The following DPYD variants were observed in gnomAD, a reference collection of about 807,000 sequenced individuals.
DPYD encodes the protein dihydropyrimidine dehydrogenase, also known as dihydropyrimidine dehydrogenase [NADP(+)].
Under a neutral mutation model 116.2 loss-of-function variants are expected in DPYD, and 109 were observed. The observed-to-expected ratio is 0.94, with a 90% CI of 0.80 to 1.10. The LOEUF is 1.10. DPYD is among the 50% of genes least tolerant of loss of function. The probability of loss-of-function intolerance (pLI) is 0.00; values close to 1 mark genes in which losing one functional copy is unlikely to be tolerated. For synonymous variants in DPYD, 440 were observed against 432.0 expected (o/e 1.02, Z -0.23); for missense variants, 1,302 against 1,254.5 (o/e 1.04, Z -0.57).
chr1:97,864,961 T>G (rs1315968982), intron 2 of DPYD, among the ~76,000 whole-genome samples: 2 of 151,928 alleles, frequency 1.3e-5, no homozygotes, highest in Non-Finnish European at 2.9e-5. Context: ...TATCTGTGAA[T>G]GCTTCTAGTT....
chr1:97,894,366 G>T (rs1047088290), intron 1 of DPYD, among the ~76,000 whole-genome samples: 10 of 151,708 alleles, frequency 6.6e-5, no homozygotes, highest in African/African-American at 2.4e-4. Flanking sequence ...TTCAACATAT[G>T]AATTTTGAGG....
chr1:97,290,797 C>T (rs897923279), intron 18 of DPYD, among the ~76,000 whole-genome samples: 1 of 152,114 alleles, frequency 6.6e-6, no homozygotes, highest in African/African-American at 2.4e-5. Flanking sequence ...ATGTCTAAAA[C>T]ACCAAAAGCA....
intron 16 of DPYD, 59 bp downstream of exon 16, chr1:97,373,502 C>T: frequency 7.0e-7 from 1 of 1,432,914 alleles, no homozygotes; most frequent in Non-Finnish European, 9.8e-7. Context: ...AGTAACTATC[C>T]ATACGGGGGC....
chr1:97,577,965 C>A (rs1007081133), intron 10 of DPYD, among the ~76,000 whole-genome samples: 10 of 151,992 alleles, frequency 6.6e-5, no homozygotes, highest in Admixed American at 5.9e-4. Flanking sequence ...CCTGCCTCAG[C>A]CTTCCAAGTA....
chr1:97,362,442 G>GA (rs1553164558), intron 16 of DPYD, among the ~76,000 whole-genome samples: 1 of 152,028 alleles, frequency 6.6e-6, no homozygotes, highest in Non-Finnish European at 1.5e-5. Flanking sequence ...CACAGAATTG[G>GA]AAAAAACTAC....
At chr1:97,740,312 G>C in intron 4 of DPYD, 80 bp downstream of exon 4, 1 of 1,196,514 alleles carries the variant, frequency 8.4e-7, no homozygotes, top group Non-Finnish European at 1.2e-6. Flanking sequence ...GCTAAGACAA[G>C]CTGTATTCTG....
At chr1:97,218,579 G>C (rs536364599) in intron 19 of DPYD, among the ~76,000 whole-genome samples, 1 of 150,096 alleles carries the variant, frequency 6.7e-6, no homozygotes, top group Non-Finnish European at 1.5e-5. Flanking sequence ...AGACATCCTA[G>C]ATCAAACCCA....
At position 97,373,065 on chromosome 1, in the gene DPYD, T is replaced by C. The variant is rs117398801; in HGVS notation, c.2058+496A>G. On this transcript the variant is annotated intron_variant, in intron 16 of 22. Transcript: ENST00000370192. Reference sequence around the variant, plus strand: ...TATTTTAGTATGAAGGTTCCATTTATTGTATCCAAAAATAAAAATAGCATC... The same window carrying C: ...TATTTTAGTATGAAGGTTCCATTTACTGTATCCAAAAATAAAAATAGCATC... Among the ~76,000 whole-genome samples, 287 of 152,346 alleles carry C rather than the reference T, an allele frequency of 1.9e-3. 12 individuals are homozygous for C. The East Asian group carries it at 0.053, about 28-fold the overall frequency.
At chr1:97,336,838 G>A (rs978908911) in intron 16 of DPYD, among the ~76,000 whole-genome samples, 8 of 152,186 alleles carry the variant, frequency 5.3e-5, no homozygotes, top group Admixed American at 2.6e-4. Flanking sequence ...GGAACAAGGT[G>A]AAAATGGAAC....
intron 21 of DPYD, among the ~76,000 whole-genome samples, chr1:97,090,879 T>C (rs1296042372): frequency 2.6e-5 from 4 of 152,328 alleles, no homozygotes; most frequent in South Asian, 4.1e-4. Context: ...TTGAATCTCC[T>C]GCAGTCCTTA....
At chr1:97,118,136 C>T (rs922921167) in intron 20 of DPYD, among the ~76,000 whole-genome samples, 14 of 151,852 alleles carry the variant, frequency 9.2e-5, no homozygotes, top group African/African-American at 3.1e-4. Flanking sequence ...TTTCAAATGT[C>T]ACCTTTTGTT....
rs759858246 is a variant in DPYD, at chr1:97,721,546, G to C, written c.447C>G (p.Pro149=). 13 of 1,611,474 alleles carry C rather than the reference G, an allele frequency of 8.1e-6. No homozygotes were observed. In the Admixed American group the frequency reaches 2.0e-4, roughly 25 times the overall value. ...ATTGCTGCAATCCACCAATATTAAT[G>C]GGTCCCTCTTCAGTGGCATATAAAT... The part of the protein sequence containing the change: ...GCNLYATEEG[P]INIGGLQQFA... Residue 149 remains proline, a synonymous_variant, in exon 5 of 23, where the codon CCC becomes CCG. Coordinates refer to ENST00000370192, the MANE Select transcript of DPYD (RefSeq NM_000110.4).
chr1:97,774,035 G>T (rs1221495638), intron 3 of DPYD, among the ~76,000 whole-genome samples: 1 of 152,172 alleles, frequency 6.6e-6, no homozygotes, highest in African/African-American at 2.4e-5. Flanking sequence ...AGCTTTGGGA[G>T]CCGTAAACAC....
At chr1:97,730,887 A>G (rs958981849) in intron 4 of DPYD, among the ~76,000 whole-genome samples, 1 of 152,112 alleles carries the variant, frequency 6.6e-6, no homozygotes, top group Non-Finnish European at 1.5e-5. Context: ...AGAGTTGAAA[A>G]AAAAAGCATT....
intron 8 of DPYD, among the ~76,000 whole-genome samples, chr1:97,606,006 T>C (rs1003236952): frequency 6.6e-6 from 1 of 152,114 alleles, no homozygotes; most frequent in African/African-American, 2.4e-5. Flanking sequence ...TGATTAAGCA[T>C]ACAAAACTTG....
At chr1:97,166,595 TG>T in intron 20 of DPYD, among the ~76,000 whole-genome samples, 2 of 152,166 alleles carry the variant, frequency 1.3e-5, no homozygotes, top group Non-Finnish European at 2.9e-5. Context: ...AAAGTAACAC[TG>T]TACAGTAAAG....
intron 5 of DPYD, chr1:97,720,190 A>G (rs962761834): frequency 3.7e-5 from 36 of 984,588 alleles, no homozygotes; most frequent in Non-Finnish European, 4.3e-5. Context: ...ACACACACAA[A>G]CACACACACC....
intron 19 of DPYD, among the ~76,000 whole-genome samples, chr1:97,220,242 A>G (rs1307522631): frequency 6.6e-6 from 1 of 151,942 alleles, no homozygotes; most frequent in Non-Finnish European, 1.5e-5. Context: ...GCTTTATACG[A>G]AGAGAAAGAA....
chr1:97,156,009 A>C (rs200624430), intron 20 of DPYD, among the ~76,000 whole-genome samples: 1 of 140,458 alleles, frequency 7.1e-6, no homozygotes, highest in Admixed American at 7.2e-5. Context: ...TCTGGTGATG[A>C]TGCTGATGTT....
Sources: gnomAD v4.1 joint callset for allele counts (sites outside exome capture counted in the v4.1 genomes callset) on GRCh38, gnomAD v4.1.1 for gene constraint, MANE v1.5 for transcripts, NCBI Gene and HGNC (gene_info 2026-07-23, HGNC 2026-07-21) for gene names.